CNTNAP5: variants seen among roughly 807,000 people sequenced by gnomAD.
The protein encoded by CNTNAP5 is contactin associated protein family member 5, also known as contactin-associated protein-like 5.
CNTNAP5 carries 72 observed loss-of-function variants against 150.2 expected under a neutral mutation model. That is an observed-to-expected ratio of 0.48 (90% confidence interval 0.40 to 0.58). The LOEUF (loss-of-function observed/expected upper bound fraction) is 0.58, where lower values mean the gene tolerates loss of function less well. Among genes scored for constraint, CNTNAP5 ranks in the 20% least tolerant of loss-of-function variants. The probability of loss-of-function intolerance (pLI) is 0.00; values close to 1 mark genes in which losing one functional copy is unlikely to be tolerated. For missense variants in CNTNAP5, 1,636 were observed against 1,626.2 expected (o/e 1.01, Z -0.10); for synonymous variants, 672 against 619.8 (o/e 1.08, Z -1.25).
intron 1 of CNTNAP5, among the ~76,000 whole-genome samples, chr2:124,151,826 C>T (rs1171190266): frequency 6.6e-6 from 1 of 152,164 alleles, no homozygotes; most frequent in Admixed American, 6.5e-5. Flanking sequence ...ATTAGTTTAG[C>T]CCGGACATAC....
At chr2:124,537,146 A>C (rs1264307485) in intron 10 of CNTNAP5, among the ~76,000 whole-genome samples, 1 of 152,128 alleles carries the variant, frequency 6.6e-6, no homozygotes, top group Non-Finnish European at 1.5e-5. Context: ...TTGGAGGCAC[A>C]GAGGTACTAA....
intron 13 of CNTNAP5, among the ~76,000 whole-genome samples, chr2:124,698,664 T>C (rs1679456186): frequency 1.3e-5 from 2 of 152,204 alleles, no homozygotes; most frequent in South Asian, 4.2e-4. Flanking sequence ...CTCATCATGG[T>C]CGACACTGGC....
intron 5 of CNTNAP5, among the ~76,000 whole-genome samples, chr2:124,438,376 C>A (rs932476583): frequency 3.3e-5 from 5 of 152,116 alleles, no homozygotes; most frequent in African/African-American, 1.2e-4. Flanking sequence ...AATCAAAGAG[C>A]AGAGATATTA....
At chr2:124,177,822 A>G (rs1296405020) in intron 1 of CNTNAP5, among the ~76,000 whole-genome samples, 3 of 147,834 alleles carry the variant, frequency 2.0e-5, no homozygotes, top group South Asian at 4.4e-4. Flanking sequence ...TTGGTTGGTT[A>G]TTTTTTGTTT....
In CNTNAP5 at chr2:124,583,330, T is replaced by G. The variant is rs997240976; in HGVS notation, c.1756+20007T>G. Among the ~76,000 whole-genome samples the G allele has an allele frequency of 2.6e-5, 4 of 152,328 alleles. No individual in the cohort carries two copies. The East Asian group carries it at 7.7e-4, about 29-fold the overall frequency. On this transcript the variant is annotated intron_variant, in intron 11 of 23. Transcript: ENST00000682447. ...TGCAATGGCTAACAATCCATGTACA[T>G]AGCCGGGAACGATATGGTTATATGC...
intron 6 of CNTNAP5, among the ~76,000 whole-genome samples, chr2:124,466,473 A>G (rs1384785869): frequency 6.6e-6 from 1 of 152,162 alleles, no homozygotes; most frequent in Non-Finnish European, 1.5e-5. Flanking sequence ...TTTTAGATAG[A>G]GGCAGCATGT....
intron 6 of CNTNAP5, among the ~76,000 whole-genome samples, chr2:124,464,548 C>T (rs1369669681): frequency 6.6e-6 from 1 of 152,062 alleles, no homozygotes; most frequent in African/African-American, 2.4e-5. Context: ...ATCAGAAGTT[C>T]CAAACATGGG....
At position 124,915,022 on chromosome 2, in the gene CNTNAP5, C is replaced by T. The variant is rs918717005; in HGVS notation, c.*734C>T. 1 of 154,216 alleles carries T rather than the reference C, an allele frequency of 6.5e-6. No homozygotes were observed. Among genetic ancestry groups the T allele is most frequent in the Non-Finnish European group, 1.5e-5 (1 of 67,980 alleles). 9.6% of individuals were successfully genotyped at this position (154,216 alleles called of 1,614,324 possible). On this transcript the variant is annotated 3_prime_UTR_variant, in exon 24 of 24. Transcript: ENST00000682447. The stretch of plus-strand genomic sequence containing the variant: ...GATGCATGGAAATAGCAGCTTGAAA[C>T]TAGGAGGTAACAAGAAAGCTTCTAG...
intron 3 of CNTNAP5, among the ~76,000 whole-genome samples, chr2:124,246,510 T>C (rs765807977): frequency 6.6e-6 from 1 of 152,068 alleles, no homozygotes; most frequent in Non-Finnish European, 1.5e-5. Flanking sequence ...TGCCAAATCA[T>C]TACAAATATT....
At position 124,816,068 on chromosome 2, in the gene CNTNAP5, C is replaced by T. The variant is rs142923379; in HGVS notation, c.3217+17748C>T. ...GTGTTTATAGGGGTCTGTGTCTTACCGTTAGCAATATAAATGAATAAAAAT... is the reference window on the plus strand; with the variant it reads ...GTGTTTATAGGGGTCTGTGTCTTACTGTTAGCAATATAAATGAATAAAAAT... On this transcript the variant is annotated intron_variant, in intron 19 of 23. Transcript: ENST00000682447. Among the ~76,000 whole-genome samples, 46 of 152,220 alleles carry T rather than the reference C, an allele frequency of 3.0e-4. 1 individual carries two copies. Among genetic ancestry groups the T allele is most frequent in the East Asian group, 2.3e-3 (12 of 5,182 alleles).
At chr2:124,252,281 A>C (rs1919840) in intron 3 of CNTNAP5, among the ~76,000 whole-genome samples, 9 of 152,128 alleles carry the variant, frequency 5.9e-5, no homozygotes, top group African/African-American at 2.2e-4. Context: ...TAATTTAAGG[A>C]AAGATCCTGT....
chr2:124,057,525 C>T (rs571354723), intron 1 of CNTNAP5, among the ~76,000 whole-genome samples: 32 of 142,048 alleles, frequency 2.3e-4, no homozygotes, highest in Middle Eastern at 7.8e-3. Context: ...CTCCTGACCT[C>T]GTGATCCGCC....
intron 12 of CNTNAP5, among the ~76,000 whole-genome samples, chr2:124,634,512 A>G (rs578055075): frequency 6.6e-6 from 1 of 152,176 alleles, no homozygotes; most frequent in African/African-American, 2.4e-5. Context: ...GTGTGTATAC[A>G]TATATTTTTT....
intron 7 of CNTNAP5, among the ~76,000 whole-genome samples, chr2:124,495,334 A>G (rs1437393144): frequency 6.6e-6 from 1 of 152,208 alleles, no homozygotes; most frequent in African/African-American, 2.4e-5. Context: ...GAGTATTAAT[A>G]TTTTTGAGCT....
chr2:124,370,798 A>C lies in CNTNAP5; in HGVS notation c.382-46645A>C, dbSNP rs528632502. The stretch of plus-strand genomic sequence containing the variant: ...TCTTCTGATCTTAGGTTCATGGTTG[A>C]AGCCTCTATAACAAAAGACAGATTA... On this transcript the variant is annotated intron_variant, in intron 3 of 23. Coordinates refer to ENST00000682447, the MANE Select transcript of CNTNAP5 (RefSeq NM_001367498.1). 2.0e-5 allele frequency among the ~76,000 whole-genome samples: 3 copies of C among 152,264 alleles called. No individual in the cohort carries two copies. In the South Asian group the frequency reaches 6.2e-4, roughly 32 times the overall value.
intron 3 of CNTNAP5, among the ~76,000 whole-genome samples, chr2:124,295,896 G>T (rs1688417839): frequency 6.6e-6 from 1 of 152,026 alleles, no homozygotes; most frequent in African/African-American, 2.4e-5. Flanking sequence ...TTTCCAAGAG[G>T]TAATCATCTG....
At chr2:124,588,510 G>A (rs761278605) in intron 11 of CNTNAP5, among the ~76,000 whole-genome samples, 2 of 151,844 alleles carry the variant, frequency 1.3e-5, no homozygotes, top group Admixed American at 6.6e-5. Flanking sequence ...AAGCCTTGCC[G>A]TATCTTTACA....
At chr2:124,680,468 A>G (rs954517418) in intron 13 of CNTNAP5, among the ~76,000 whole-genome samples, 6 of 151,840 alleles carry the variant, frequency 4.0e-5, no homozygotes, top group African/African-American at 1.4e-4. Context: ...CATTTTCCAA[A>G]TCACAGACTC....
chr2:124,410,873 T>C (rs1691738401), intron 3 of CNTNAP5, among the ~76,000 whole-genome samples: 2 of 149,870 alleles, frequency 1.3e-5, no homozygotes, highest in Admixed American at 6.6e-5. Context: ...AAGAAATAAC[T>C]AAAATCAGAG....
Sources: allele counts gnomAD v4.1 joint callset (sites outside exome capture counted in the v4.1 genomes callset), GRCh38; gene constraint gnomAD v4.1.1; transcripts MANE v1.5; gene names NCBI Gene and HGNC (gene_info 2026-07-23, HGNC 2026-07-21).